The following ST6GALNAC5 variants were observed in gnomAD, a reference collection of about 807,000 sequenced individuals.
ST6GALNAC5 encodes alpha-N-acetylgalactosaminide alpha-2,6-sialyltransferase 5.
Under a neutral mutation model 33.6 loss-of-function variants are expected in ST6GALNAC5, and 27 were observed. That is an observed-to-expected ratio of 0.80 (90% CI 0.59 to 1.11). The LOEUF is 1.11. Among genes scored for constraint, ST6GALNAC5 ranks in the 50% least tolerant of loss-of-function variants. The probability of loss-of-function intolerance (pLI) is 0.00; values close to 1 mark genes in which losing one functional copy is unlikely to be tolerated. For synonymous variants in ST6GALNAC5, 194 were observed against 171.2 expected, an observed-to-expected ratio of 1.13 and a Z score of -1.04; for missense variants, 428 against 454.0, an observed-to-expected ratio of 0.94 and a Z score of 0.52.
intron 2 of ST6GALNAC5, among the ~76,000 whole-genome samples, chr1:76,935,413 G>T (rs1647191296): frequency 6.6e-6 from 1 of 151,960 alleles, no homozygotes; most frequent in African/African-American, 2.4e-5. Flanking sequence ...CTATTCTGGA[G>T]TTATTATTTA....
intron 2 of ST6GALNAC5, among the ~76,000 whole-genome samples, chr1:76,986,362 C>T (rs148684708): frequency 0.022 from 3,350 of 152,272 alleles, 48 homozygotes; most frequent in Middle Eastern, 0.044. Flanking sequence ...AAGATATGAA[C>T]AGACACTTCT....
intron 2 of ST6GALNAC5, among the ~76,000 whole-genome samples, chr1:76,896,004 T>C (rs1442793642): frequency 6.6e-6 from 1 of 152,196 alleles, no homozygotes; most frequent in Non-Finnish European, 1.5e-5. Flanking sequence ...AAAAGACCTT[T>C]AGTCCGTTCT....
intron 2 of ST6GALNAC5, among the ~76,000 whole-genome samples, chr1:77,042,536 G>A (rs1651865295): frequency 6.6e-6 from 1 of 152,178 alleles, no homozygotes; most frequent in South Asian, 2.1e-4. Context: ...TAAACCCTAA[G>A]TGTTCACTGC....
intron 2 of ST6GALNAC5, among the ~76,000 whole-genome samples, chr1:77,040,245 G>A (rs886070454): frequency 4.0e-4 from 61 of 152,176 alleles, no homozygotes; most frequent in African/African-American, 1.3e-3. Context: ...TCAGCTGCTG[G>A]AATTGTAACA....
chr1:76,943,265 T>C (rs1476114010), intron 2 of ST6GALNAC5, among the ~76,000 whole-genome samples: 1 of 152,146 alleles, frequency 6.6e-6, no homozygotes, highest in Non-Finnish European at 1.5e-5. Context: ...ACATTATGTA[T>C]GAGTTGGGAC....
intron 2 of ST6GALNAC5, among the ~76,000 whole-genome samples, chr1:76,992,485 C>G (rs968945360): frequency 9.1e-6 from 1 of 110,204 alleles, no homozygotes; most frequent in Non-Finnish European, 1.9e-5. Context: ...CAATTGTGGT[C>G]CCTCTTTAAT....
At chr1:76,987,222 G>T (rs752340881) in intron 2 of ST6GALNAC5, among the ~76,000 whole-genome samples, 8 of 151,780 alleles carry the variant, frequency 5.3e-5, no homozygotes, top group Non-Finnish European at 1.2e-4. Context: ...TTTTTAAAAA[G>T]TAGCTATTAC....
In ST6GALNAC5 at chr1:77,014,931, T is replaced by A. The variant is rs1330933180; in HGVS notation, c.262-29273T>A. 2.0e-5 allele frequency among the ~76,000 whole-genome samples: 3 copies of A among 152,256 alleles called. No individual in the cohort carries two copies. The East Asian group carries it at 5.8e-4, about 29-fold the overall frequency. ...CTAAGGTTTAGAAATTTGAATGACT[T>A]CCTTAACAAATATTTATTGAGAACT... On this transcript the variant is annotated intron_variant, in intron 2 of 4. Coordinates refer to ENST00000477717, the MANE Select transcript of ST6GALNAC5 (RefSeq NM_030965.3).
intron 2 of ST6GALNAC5, among the ~76,000 whole-genome samples, chr1:76,954,864 C>T (rs1347341717): frequency 2.6e-5 from 4 of 152,110 alleles, no homozygotes; most frequent in African/African-American, 9.7e-5. Flanking sequence ...GAGGAAATGC[C>T]TTATTCACTA....
At chr1:77,029,774 C>A (rs902375064) in intron 2 of ST6GALNAC5, among the ~76,000 whole-genome samples, 14 of 152,190 alleles carry the variant, frequency 9.2e-5, no homozygotes, top group African/African-American at 3.4e-4. Flanking sequence ...ATGAGTTTTA[C>A]GAGCAAATGA....
At chr1:77,053,474 T>A (rs1303930996) in intron 4 of ST6GALNAC5, among the ~76,000 whole-genome samples, 2 of 152,150 alleles carry the variant, frequency 1.3e-5, no homozygotes, top group Non-Finnish European at 2.9e-5. Context: ...AATGGCTGTG[T>A]CCTCTACTCT....
At chr1:76,934,129 C>T (rs1221520529) in intron 2 of ST6GALNAC5, among the ~76,000 whole-genome samples, 1 of 152,036 alleles carries the variant, frequency 6.6e-6, no homozygotes, top group Non-Finnish European at 1.5e-5. Flanking sequence ...GAGTGACAGG[C>T]TCCCTTTGGC....
chr1:77,036,183 T>G (rs1557769510), intron 2 of ST6GALNAC5, among the ~76,000 whole-genome samples: 1 of 152,214 alleles, frequency 6.6e-6, no homozygotes, highest in Non-Finnish European at 1.5e-5. Flanking sequence ...TATATTTTAT[T>G]GTTCCATTTA....
intron 2 of ST6GALNAC5, among the ~76,000 whole-genome samples, chr1:76,888,493 T>A (rs1251696637): frequency 6.6e-6 from 1 of 152,210 alleles, no homozygotes; most frequent in Non-Finnish European, 1.5e-5. Context: ...AATCATCGCC[T>A]TTTAAGAGTC....
chr1:76,950,550 C>G (rs1647702281), intron 2 of ST6GALNAC5, among the ~76,000 whole-genome samples: 1 of 151,956 alleles, frequency 6.6e-6, no homozygotes, highest in Non-Finnish European at 1.5e-5. Flanking sequence ...GAGCTCTGCC[C>G]TCAAGGAGAT....
intron 2 of ST6GALNAC5, among the ~76,000 whole-genome samples, chr1:76,869,977 T>C (rs1331441904): frequency 2.0e-5 from 3 of 152,190 alleles, no homozygotes; most frequent in Non-Finnish European, 4.4e-5. Context: ...GGAAAGCTTC[T>C]TTGAAAAAGT....
rs779190621 is a variant in ST6GALNAC5, at chr1:77,044,474, C to T, written c.532C>T (p.Arg178Trp). 3.1e-6 allele frequency: 5 copies of T among 1,613,306 alleles called. No homozygotes were observed. Among genetic ancestry groups the T allele is most frequent in the Middle Eastern group, 1.7e-4 (1 of 6,054 alleles). The stretch of plus-strand genomic sequence containing the variant: ...CTTCTGGGGCCCCAGCAGCTACATG[C>T]GGCGGGACGGCAAGGGCCAGGTCTA... Reference protein sequence around the residue: ...FIFWGPSSYMRRDGKGQVYNN... With the variant: ...FIFWGPSSYMWRDGKGQVYNN... Residue 178 changes from arginine to tryptophan, a missense_variant, in exon 3 of 5, where the codon CGG becomes TGG. Physicochemically the swap from Arg to Trp is moderately radical, Grantham distance 101. Transcript: ENST00000477717.
At chr1:77,047,241 CTCTATTGACTT>C (rs766666168) in intron 3 of ST6GALNAC5, among the ~76,000 whole-genome samples, 2 of 152,194 alleles carry the variant, frequency 1.3e-5, no homozygotes, top group Non-Finnish European at 2.9e-5. Context: ...GAAGCCAATA[CTCTATTGACTT>C]AATATTCTTT....
intron 2 of ST6GALNAC5, among the ~76,000 whole-genome samples, chr1:76,965,131 G>C (rs939886247): frequency 3.3e-5 from 5 of 152,086 alleles, no homozygotes; most frequent in Admixed American, 6.6e-5. Context: ...CCAGTAATAG[G>C]ATGGCTGGGT....
Sources: gnomAD v4.1 joint callset for allele counts (sites outside exome capture counted in the v4.1 genomes callset) on GRCh38, gnomAD v4.1.1 for gene constraint, MANE v1.5 for transcripts, NCBI Gene and HGNC (gene_info 2026-07-23, HGNC 2026-07-21) for gene names.